Variants in C1orf87 observed in about 807,000 individuals in gnomAD.
The protein encoded by C1orf87 is uncharacterized protein C1orf87.
A neutral mutation model predicts 60.5 loss-of-function variants in C1orf87; 58 were observed. That is an observed-to-expected ratio of 0.96 (90% CI 0.78 to 1.19). The LOEUF is 1.19. Among genes scored for constraint, C1orf87 ranks in the 50% most tolerant of loss-of-function variants. The pLI, the probability that C1orf87 is intolerant of heterozygous loss-of-function variation, is 0.00. For missense variants in C1orf87, 673 were observed against 638.6 expected (o/e 1.05, Z -0.58); for synonymous variants, 236 against 227.4 (o/e 1.04, Z -0.34).
At chr1:60,046,413 C>A (rs1645371294) in intron 3 of C1orf87, among the ~76,000 whole-genome samples, 1 of 134,234 alleles carries the variant, frequency 7.4e-6, no homozygotes, top group Non-Finnish European at 1.6e-5. Context: ...TTCCTCCCCT[C>A]CCTCCCTTCC....
intron 9 of C1orf87, among the ~76,000 whole-genome samples, chr1:60,002,791 G>C (rs1264397275): frequency 6.6e-6 from 1 of 151,766 alleles, no homozygotes; most frequent in African/African-American, 2.4e-5. Flanking sequence ...ACACCAGTTA[G>C]AATGGCAATC....
At chr1:60,035,700 C>A (rs1015575716) in intron 6 of C1orf87, among the ~76,000 whole-genome samples, 2 of 152,134 alleles carry the variant, frequency 1.3e-5, no homozygotes, top group African/African-American at 4.8e-5. Context: ...TTCATGTATC[C>A]CTGAAAGTAA....
intron 8 of C1orf87, among the ~76,000 whole-genome samples, chr1:60,022,633 C>T (rs1372915937): frequency 2.6e-5 from 4 of 152,078 alleles, no homozygotes; most frequent in Admixed American, 2.6e-4. Flanking sequence ...TTCTGTAGAT[C>T]TTAGAAACCT....
intron 3 of C1orf87, among the ~76,000 whole-genome samples, chr1:60,052,276 T>C (rs1009021686): frequency 8.5e-5 from 13 of 152,256 alleles, no homozygotes; most frequent in Admixed American, 5.9e-4. Context: ...TCACACATTC[T>C]TTTTTATTCT....
rs550267978 is a variant in C1orf87 at position 60,045,832 on chromosome 1, G to A, written c.343-4701C>T. Among the ~76,000 whole-genome samples the A allele has an allele frequency of 6.6e-4, 101 of 152,232 alleles. 1 individual carries two copies. The highest frequency in any genetic ancestry group is 1.5e-3 in the Admixed American group (23 of 15,282). On this transcript the variant is annotated intron_variant, in intron 3 of 11. Transcript: ENST00000371201. ...GAATAAGTCCTCCAGTAATTCTGAC[G>A]CACGCTGAAGTTTGAGAACCACTGC...
chr1:60,026,434 T>C (rs1219218190), intron 7 of C1orf87, among the ~76,000 whole-genome samples: 1 of 150,596 alleles, frequency 6.6e-6, no homozygotes, highest in African/African-American at 2.5e-5. Context: ...TAATATTTGA[T>C]GAAATAAAGA....
chr1:60,026,381 A>G (rs976575079), intron 7 of C1orf87, among the ~76,000 whole-genome samples: 1 of 152,180 alleles, frequency 6.6e-6, no homozygotes, highest in African/African-American at 2.4e-5. Flanking sequence ...GCATGATAAA[A>G]TTAGCATTTA....
chr1:60,036,123 AG>A (rs1287973223), intron 6 of C1orf87, among the ~76,000 whole-genome samples: 2 of 152,206 alleles, frequency 1.3e-5, no homozygotes, highest in African/African-American at 4.8e-5. Flanking sequence ...AGTTGCTCCC[AG>A]AGTGATATTT....
chr1:60,071,619 T>G (rs911525007), intron 2 of C1orf87, among the ~76,000 whole-genome samples: 15 of 152,196 alleles, frequency 9.9e-5, no homozygotes, highest in Non-Finnish European at 2.1e-4. Context: ...TATTAAAGCC[T>G]GTACTTCATA....
intron 2 of C1orf87, among the ~76,000 whole-genome samples, chr1:60,060,664 G>A (rs1211806725): frequency 6.6e-6 from 1 of 152,038 alleles, no homozygotes; most frequent in African/African-American, 2.4e-5. Context: ...ACCAATCACA[G>A]TAAATACAAA....
chr1:59,990,509 G>T lies in C1orf87; in HGVS notation c.*164C>A. ...ATCACTTTGAACTGCTTATGAGTGA[G>T]CATCATAGCCAGAAACTAAGTCCAA... On this transcript the variant is annotated 3_prime_UTR_variant, in exon 12 of 12. Coordinates refer to ENST00000371201, the MANE Select transcript of C1orf87 (RefSeq NM_152377.3). The T allele has an allele frequency of 1.2e-6, 1 of 815,468 alleles. No individual in the cohort carries two copies. Among genetic ancestry groups the T allele is most frequent in the Non-Finnish European group, 1.9e-6 (1 of 520,550 alleles). The allele number at this position is 815,468 out of a possible 1,614,324, so 50.5% of individuals were successfully genotyped here.
At chr1:60,070,831 A>G (rs1158562409) in intron 2 of C1orf87, among the ~76,000 whole-genome samples, 1 of 152,202 alleles carries the variant, frequency 6.6e-6, no homozygotes, top group Non-Finnish European at 1.5e-5. Flanking sequence ...AGATAAAGCT[A>G]ACTTTTCACT....
chr1:60,032,298 T>G (rs1645243867), intron 7 of C1orf87, among the ~76,000 whole-genome samples: 1 of 152,148 alleles, frequency 6.6e-6, no homozygotes, highest in Non-Finnish European at 1.5e-5. Flanking sequence ...AATGGAATCA[T>G]CCAGATATCT....
At chr1:60,067,716 CTTTAA>C (rs1166593294) in intron 2 of C1orf87, among the ~76,000 whole-genome samples, 1 of 151,896 alleles carries the variant, frequency 6.6e-6, no homozygotes, top group African/African-American at 2.4e-5. Context: ...TGCAGAAGTT[CTTTAA>C]TTTAATTATA....
At chr1:60,021,139 C>A (rs1037844563) in intron 8 of C1orf87, among the ~76,000 whole-genome samples, 2 of 152,148 alleles carry the variant, frequency 1.3e-5, no homozygotes, top group African/African-American at 4.8e-5. Flanking sequence ...GCCTCCCAGC[C>A]ATGCTTACTG....
At chr1:60,059,982 T>C (rs577148424) in intron 2 of C1orf87, among the ~76,000 whole-genome samples, 13 of 151,650 alleles carry the variant, frequency 8.6e-5, no homozygotes, top group African/African-American at 3.1e-4. Flanking sequence ...GGGAGGGGAG[T>C]ACAGCTGAAA....
intron 2 of C1orf87, 49 bp from the exon 3 acceptor site, chr1:60,055,487 T>A (rs1557478087): frequency 6.6e-7 from 1 of 1,506,146 alleles, no homozygotes; most frequent in African/African-American, 1.4e-5. Context: ...AGACTCCTCA[T>A]ACACTAGGCT....
chr1:60,066,996 AAGG>A (rs1645551248), intron 2 of C1orf87, among the ~76,000 whole-genome samples: 1 of 152,170 alleles, frequency 6.6e-6, no homozygotes, highest in Non-Finnish European at 1.5e-5. Context: ...TGTCCCTGCA[AAGG>A]ACATGAACTC....
intron 2 of C1orf87, 112 bp from the exon 3 acceptor site, chr1:60,055,550 A>G (rs1645448699): frequency 1.2e-6 from 1 of 835,928 alleles, no homozygotes; most frequent in Non-Finnish European, 1.9e-6. Context: ...AACTCAGCAC[A>G]GTGGAATGTG....
Sources: allele counts gnomAD v4.1 joint callset (sites outside exome capture counted in the v4.1 genomes callset), GRCh38; gene constraint gnomAD v4.1.1; transcripts MANE v1.5; gene names NCBI Gene and HGNC (gene_info 2026-07-23, HGNC 2026-07-21).